The following RHBDF2 variants were observed in gnomAD, a reference collection of about 807,000 sequenced individuals.
RHBDF2 encodes the protein rhomboid 5 homolog 2, also known as inactive rhomboid protein 2.
RHBDF2 carries 38 observed loss-of-function variants against 95.2 expected under a neutral mutation model. The ratio of observed to expected loss-of-function variants is 0.40; its 90% CI spans 0.31 to 0.52. The LOEUF (loss-of-function observed/expected upper bound fraction) is 0.52, where lower values mean the gene tolerates loss of function less well. Ranked by LOEUF, RHBDF2 falls within the 20% of genes least tolerant of loss-of-function variation. The pLI, the probability that RHBDF2 is intolerant of heterozygous loss-of-function variation, is 0.56. For missense variants in RHBDF2, 863 were observed against 1,137.7 expected (o/e 0.76, Z 3.47); for synonymous variants, 442 against 462.0 (o/e 0.96, Z 0.55).
At chr17:76,473,212 G>A in intron 16 of RHBDF2, 40 bp downstream of exon 16, 1 of 1,599,650 alleles carries the variant, frequency 6.3e-7, no homozygotes, top group Non-Finnish European at 8.6e-7. Flanking sequence ...GCCATGCCCA[G>A]CGTCCTCTCC....
chr17:76,498,872 G>GTGTGTGTCTGTGGCTA lies in RHBDF2; in HGVS notation c.-220+2480_-220+2481insTAGCCACAGACACACA, dbSNP rs1555620207. 3.6e-3 allele frequency among the ~76,000 whole-genome samples: 547 copies of GTGTGTGTCTGTGGCTA among 151,838 alleles called. 4 individuals are homozygous for GTGTGTGTCTGTGGCTA. The highest frequency in any genetic ancestry group is 0.012 in the African/African-American group (509 of 41,408). On this transcript the variant is annotated intron_variant, in intron 1 of 18. Transcript: ENST00000675367. Reference sequence around the variant, plus strand: ...TGTGTGTGTCTCTGTGTGTCTGTTTGTGTGTGTCTGTGTGTGTGTGTGGTT... The same window carrying GTGTGTGTCTGTGGCTA: ...TGTGTGTGTCTCTGTGTGTCTGTTTGTGTGTGTCTGTGGCTATGTGTGTCTGTGTGTGTGTGTGGTT...
At chr17:76,474,971 G>A (rs1022445392) in intron 10 of RHBDF2, 59 bp downstream of exon 10, 19 of 1,474,464 alleles carry the variant, frequency 1.3e-5, no homozygotes, top group African/African-American at 6.9e-5. Context: ...AGGTACCCAC[G>A]ACACTGAGGC....
intron 15 of RHBDF2, 141 bp downstream of exon 15, chr17:76,473,507 G>C: frequency 1.1e-5 from 10 of 949,906 alleles, no homozygotes; most frequent in Non-Finnish European, 1.6e-5. Context: ...GGTAGCCCCA[G>C]AGCAGGGGAG....
chr17:76,477,069 C>G lies in RHBDF2; in HGVS notation c.921-45G>C, dbSNP rs752604706. On this transcript the variant is annotated intron_variant, in intron 8 of 18. Coordinates refer to ENST00000675367, the MANE Select transcript of RHBDF2 (RefSeq NM_001005498.4). Reference sequence around the variant, plus strand: ...TCAGCCTGAATCCCCCACCAAAATACTCCCAGACCCCACCAGGGTGCTCAG... The same window carrying G: ...TCAGCCTGAATCCCCCACCAAAATAGTCCCAGACCCCACCAGGGTGCTCAG... 6.2e-6 allele frequency: 10 copies of G among 1,611,488 alleles called. No homozygotes were observed. In the African/African-American group the frequency reaches 1.3e-4, roughly 22 times the overall value.
chr17:76,484,523 T>C (rs1318340918), intron 2 of RHBDF2, among the ~76,000 whole-genome samples: 1 of 151,692 alleles, frequency 6.6e-6, no homozygotes, highest in Non-Finnish European at 1.5e-5. Flanking sequence ...ACCTCCACCA[T>C]CTCCTCACCT....
Position 76,474,746 on chromosome 17 carries a change from C to T in RHBDF2, c.1286G>A (p.Trp429Ter). Residue 429 changes from tryptophan to a stop codon, truncating the protein, a stop_gained, in exon 11 of 19, where the codon TGG becomes TAG. Transcript: ENST00000675367. LOFTEE classifies it high-confidence loss of function. ...GGCCCTCACCGAGCTGGGGCCAACC[C>T]AGAAGTTCTCCTGCTGGATGTACTT... ...SVKYIQQENF[W>*]VGPSSIDLIH... 1 of 1,614,188 alleles carries T rather than the reference C, an allele frequency of 6.2e-7. No individual in the cohort carries two copies. The highest frequency in any genetic ancestry group is 8.5e-7 in the Non-Finnish European group (1 of 1,180,016).
At chr17:76,498,787 AGAGTGTGT>A (rs1444330338) in intron 1 of RHBDF2, among the ~76,000 whole-genome samples, 4 of 52,808 alleles carry the variant, frequency 7.6e-5, no homozygotes, top group African/African-American at 1.9e-4. Flanking sequence ...GGAGAGAAAG[AGAGTGTGT>A]GTGTGTGTGT....
chr17:76,485,738 C>T (rs564992141), intron 2 of RHBDF2, among the ~76,000 whole-genome samples: 2 of 152,104 alleles, frequency 1.3e-5, no homozygotes, highest in Admixed American at 6.6e-5. Context: ...GATGAAGGCA[C>T]AAATATAAAA....
chr17:76,473,966 C>A (rs567626580), intron 13 of RHBDF2, 64 bp from the exon 14 acceptor site: 1 of 1,594,848 alleles, frequency 6.3e-7, no homozygotes, highest in East Asian at 2.2e-5. Context: ...TACCCACGTC[C>A]CTGTGGGTGG....
intron 2 of RHBDF2, among the ~76,000 whole-genome samples, chr17:76,487,089 GT>G (rs762912208): frequency 1.3e-5 from 2 of 150,338 alleles, no homozygotes; most frequent in Admixed American, 6.7e-5. Flanking sequence ...CTCCCGAGTA[GT>G]TGGGATTACA....
At position 76,471,915 on chromosome 17, in the gene RHBDF2, G is replaced by T; in HGVS notation, c.2202C>A (p.Gly734=). 1 of 1,576,458 alleles carries T rather than the reference G, an allele frequency of 6.3e-7. No homozygotes were observed. Among genetic ancestry groups the T allele is most frequent in the Non-Finnish European group, 8.6e-7 (1 of 1,160,832 alleles). ...CGATGTTGTCGATCCAGGGCAGGAGGCCACAGATGAACAGGAAGAGCACGA... is the reference window on the plus strand; with the variant it reads ...CGATGTTGTCGATCCAGGGCAGGAGTCCACAGATGAACAGGAAGAGCACGA... ...SAIVLFLFIC[G]LLPWIDNIAH... Residue 734 remains glycine (G), a synonymous_variant, in exon 19 of 19, where the codon GGC becomes GGA. Coordinates refer to ENST00000675367, the MANE Select transcript of RHBDF2 (RefSeq NM_001005498.4).
In RHBDF2 at chr17:76,481,339, C is replaced by T. The variant is rs199656436; in HGVS notation, c.150+36G>A. 300 of 1,591,006 alleles carry T rather than the reference C, an allele frequency of 1.9e-4. 1 individual carries two copies. The highest frequency in any genetic ancestry group is 2.4e-4 in the Non-Finnish European group (286 of 1,169,426). On this transcript the variant is annotated intron_variant, in intron 3 of 18. Transcript: ENST00000675367. ...GTCACGTGGGTACATCTGTTACCTA[C>T]GGCAGAACAGTGAGCCCCCAGGCCA... is the stretch of plus-strand genomic sequence containing the variant.
chr17:76,483,854 C>T (rs975177974), intron 2 of RHBDF2, among the ~76,000 whole-genome samples: 2 of 152,190 alleles, frequency 1.3e-5, no homozygotes, highest in Non-Finnish European at 2.9e-5. Flanking sequence ...CTTTCCTGTG[C>T]GTGTGCCACC....
At position 76,481,259 on chromosome 17, in the gene RHBDF2, C is replaced by A. The variant is rs1465001968; in HGVS notation, c.150+116G>T. 5 of 1,213,848 alleles carry A rather than the reference C, an allele frequency of 4.1e-6. No homozygotes were observed. The Admixed American group carries it at 8.8e-5, about 21-fold the overall frequency. 75.2% of individuals were successfully genotyped at this position (1,213,848 alleles called of 1,614,324 possible). On this transcript the variant is annotated intron_variant, in intron 3 of 18. Transcript: ENST00000675367. ...GGGCCCGAGTCAAGGGCTGCACAGA[C>A]AGCAGCTGTGGCTCAGGAAGGAGCC...
At chr17:76,480,260 T>C (rs1292691753) in intron 3 of RHBDF2, among the ~76,000 whole-genome samples, 1 of 150,656 alleles carries the variant, frequency 6.6e-6, no homozygotes, top group African/African-American at 2.4e-5. Context: ...TTTTTGTATT[T>C]TTAGTAGAGA....
chr17:76,496,002 G>A (rs978617309), intron 1 of RHBDF2, among the ~76,000 whole-genome samples: 3 of 152,136 alleles, frequency 2.0e-5, no homozygotes, highest in Admixed American at 6.5e-5. Flanking sequence ...TCGGGGCAGC[G>A]TGGAGCTCTC....
intron 3 of RHBDF2, among the ~76,000 whole-genome samples, chr17:76,481,012 C>A (rs1231232253): frequency 6.6e-6 from 1 of 152,210 alleles, no homozygotes; most frequent in Non-Finnish European, 1.5e-5. Flanking sequence ...GCCAGGGAGA[C>A]ACTGTCCCCT....
At chr17:76,474,905 C>G (rs1045506868) in intron 10 of RHBDF2, 101 bp from the exon 11 acceptor site, 7 of 1,535,386 alleles carry the variant, frequency 4.6e-6, no homozygotes, top group Non-Finnish European at 5.3e-6. Flanking sequence ...CAGGAAGGGG[C>G]CAGGCTATGG....
intron 1 of RHBDF2, among the ~76,000 whole-genome samples, chr17:76,494,514 G>T (rs1363047893): frequency 6.6e-6 from 1 of 152,174 alleles, no homozygotes; most frequent in Non-Finnish European, 1.5e-5. Context: ...CACTTTGGGA[G>T]GCTGAGGTGG....
Sources: allele counts gnomAD v4.1 joint callset (sites outside exome capture counted in the v4.1 genomes callset), GRCh38; gene constraint gnomAD v4.1.1; transcripts MANE v1.5; gene names NCBI Gene and HGNC (gene_info 2026-07-23, HGNC 2026-07-21).